Variants in ZNF451 observed in about 807,000 individuals in gnomAD.
ZNF451 encodes the protein E3 SUMO-protein ligase ZNF451.
ZNF451 carries 80 observed loss-of-function variants against 107.1 expected under a neutral mutation model. The ratio of observed to expected loss-of-function variants is 0.75; its 90% confidence interval spans 0.62 to 0.90. The LOEUF (loss-of-function observed/expected upper bound fraction) is 0.90, where lower values mean the gene tolerates loss of function less well. Among genes scored for constraint, ZNF451 ranks in the 40% least tolerant of loss-of-function variants. The pLI is 0.00. For missense variants in ZNF451, 1,107 were observed against 1,236.2 expected, an observed-to-expected ratio of 0.90 and a Z score of 1.57; for synonymous variants, 362 against 406.5, an observed-to-expected ratio of 0.89 and a Z score of 1.32.
Position 57,168,449 on chromosome 6 carries a change from A to G in ZNF451, c.3166A>G (p.Arg1056Gly), listed in dbSNP as rs1763997858. ...EDVELEEAIR[R>G]SLEEM ...TGTGGAATTAGAAGAAGCTATTAGAAGAAGTCTTGAGGAAATGTAATTAAA... is the reference window on the plus strand; with the variant it reads ...TGTGGAATTAGAAGAAGCTATTAGAGGAAGTCTTGAGGAAATGTAATTAAA... Residue 1056 changes from arginine (R) to glycine (G), a missense_variant, in exon 15 of 15, where the codon AGA becomes GGA. This residue lies in a region of ZNF451 where 151 missense variants were observed against 173.3 expected (regional missense o/e 0.87). Coordinates refer to ENST00000370706, the MANE Select transcript of ZNF451 (RefSeq NM_001031623.3). The G allele has an allele frequency of 1.2e-6, 2 of 1,608,706 alleles. No individual in the cohort carries two copies. The highest frequency in any genetic ancestry group is 1.7e-6 in the Non-Finnish European group (2 of 1,177,394).
At chr6:57,109,338 G>A (rs1476589149) in intron 3 of ZNF451, 2 of 984,614 alleles carry the variant, frequency 2.0e-6, no homozygotes, top group African/African-American at 1.8e-5. Flanking sequence ...GAGGATATTG[G>A]TTTAATGGAA....
In ZNF451 at chr6:57,090,287, G is replaced by A. The variant is rs1828999353; in HGVS notation, c.21+13G>A. ...CCCGGGGTCGGAGGTGAGTAGTCGA[G>A]TGAGGGTCCTGGCGTTCTCAGAGGC... On this transcript the variant is annotated intron_variant, in intron 1 of 14. Coordinates refer to ENST00000370706, the MANE Select transcript of ZNF451 (RefSeq NM_001031623.3). 2 of 1,610,648 alleles carry A rather than the reference G, an allele frequency of 1.2e-6. No individual in the cohort carries two copies. Among genetic ancestry groups the A allele is most frequent in the Middle Eastern group, 2.2e-4 (1 of 4,600 alleles).
At position 57,148,091 on chromosome 6, in the gene ZNF451, G is replaced by A. The variant is rs778571187; in HGVS notation, c.2006G>A (p.Cys669Tyr). The A allele has an allele frequency of 6.2e-7, 1 of 1,614,048 alleles. No homozygotes were observed. Among genetic ancestry groups the A allele is most frequent in the Non-Finnish European group, 8.5e-7 (1 of 1,179,976 alleles). ...AATGAGATAAAGATTAAATACTTCTGTGGGCTTTGTGATCTTATCTTTAAT... is the reference window on the plus strand; with the variant it reads ...AATGAGATAAAGATTAAATACTTCTATGGGCTTTGTGATCTTATCTTTAAT... ...HDNEIKIKYF[C>Y]GLCDLIFNVE... The change falls in exon 10 of 15, where the codon TGT becomes TAT. Residue 669 changes from cysteine (C) to tyrosine (Y), a missense_variant. Physicochemically the swap from Cys to Tyr is radical, Grantham distance 194. This residue lies in a region of ZNF451 where 608 missense variants were observed against 649.2 expected (regional missense o/e 0.94). Transcript: ENST00000370706.
intron 4 of ZNF451, 27 bp from the exon 5 acceptor site, chr6:57,128,701 TA>T: frequency 6.6e-7 from 1 of 1,513,072 alleles, no homozygotes; most frequent in Non-Finnish European, 9.1e-7. Flanking sequence ...GTAGTAATCT[TA>T]ATTGAGTTTT....
At chr6:57,145,255 C>T (rs543358437) in intron 9 of ZNF451, among the ~76,000 whole-genome samples, 15 of 152,214 alleles carry the variant, frequency 9.9e-5, no homozygotes, top group African/African-American at 3.6e-4. Flanking sequence ...AGTGCAAAAG[C>T]AACTAGGGGC....
rs139993025 is a variant in ZNF451 at position 57,135,781 on chromosome 6, T to A, written c.702+911T>A. On this transcript the variant is annotated intron_variant, in intron 7 of 14. Coordinates refer to ENST00000370706, the MANE Select transcript of ZNF451 (RefSeq NM_001031623.3). ...TTAAAAACTATGCCATATTAAATAT[T>A]CTGTTAACTAAAAACCTTTGAGAAT... 6.9e-4 allele frequency among the ~76,000 whole-genome samples: 105 copies of A among 152,304 alleles called. 1 individual carries two copies. Among genetic ancestry groups the A allele is most frequent in the African/African-American group, 2.4e-3 (100 of 41,584 alleles).
At position 57,108,552 on chromosome 6, in the gene ZNF451, AC is replaced by A. The variant is rs1829975401; in HGVS notation, c.186+9412del. The stretch of plus-strand genomic sequence containing the variant: ...TTACATATTTAATTTACATCTAACT[AC>A]TGTTAGGTATGCAGCCCGTTCCTTT... On this transcript the variant is annotated intron_variant, in intron 3 of 14. Transcript: ENST00000370706. 29 of 985,286 alleles carry A rather than the reference AC, an allele frequency of 2.9e-5. No homozygotes were observed. In the South Asian group the frequency reaches 1.3e-3, roughly 43 times the overall value. 61.0% of individuals were successfully genotyped at this position (985,286 alleles called of 1,614,324 possible). A position where few individuals can be genotyped will look rare whatever the true frequency, so the allele number is the denominator to read the frequency against.
At position 57,107,912 on chromosome 6, in the gene ZNF451, C is replaced by T; in HGVS notation, c.186+8771C>T. The T allele has an allele frequency of 7.1e-6, 5 of 708,314 alleles. 1 individual carries two copies. In the South Asian group the frequency reaches 1.9e-4, roughly 27 times the overall value. The allele number at this position is 708,314 out of a possible 1,614,324, so 43.9% of individuals were successfully genotyped here. ...GGAGTACAGTGGTGAGATCACGGCT[C>T]ACTGCAAGCTCTGCCTCCCGGGTTC... On this transcript the variant is annotated intron_variant, in intron 3 of 14. Transcript: ENST00000370706.
chr6:57,145,523 G>A (rs887203931), intron 9 of ZNF451, among the ~76,000 whole-genome samples: 3 of 152,016 alleles, frequency 2.0e-5, no homozygotes, highest in African/African-American at 7.2e-5. Context: ...TGTACCCATT[G>A]TTTAACTCCC....
At position 57,145,641 on chromosome 6, in the gene ZNF451, T is replaced by A. The variant is rs115014408; in HGVS notation, c.1005-1449T>A. On this transcript the variant is annotated intron_variant, in intron 9 of 14. Transcript: ENST00000370706. ...TCAAAAGGCATGATTTCATTCTTTT[T>A]TATGACTCAGTAGTATTCCATGGTA... is the stretch of plus-strand genomic sequence containing the variant. 8.7e-3 allele frequency among the ~76,000 whole-genome samples: 1,323 copies of A among 152,332 alleles called. 17 individuals carry two copies. Among genetic ancestry groups the A allele is most frequent in the African/African-American group, 0.031 (1,278 of 41,574 alleles).
chr6:57,110,848 C>T (rs927475941), intron 3 of ZNF451, among the ~76,000 whole-genome samples: 1 of 151,816 alleles, frequency 6.6e-6, no homozygotes, highest in Non-Finnish European at 1.5e-5. Flanking sequence ...CACATTTTGT[C>T]AACTTCGTAT....
intron 3 of ZNF451, chr6:57,101,360 C>A: frequency 6.4e-7 from 1 of 1,550,628 alleles, no homozygotes. Context: ...TTTAAAGACC[C>A]TGCTGATTGC....
Position 57,133,253 on chromosome 6 carries a change from T to C in ZNF451, c.575+61T>C. On this transcript the variant is annotated intron_variant, in intron 6 of 14. Transcript: ENST00000370706. ...TCTAGTGAGCTACCAAGTGATTTCA[T>C]AAAATGAAAGCGTAATGCTCCTTTG... is the stretch of plus-strand genomic sequence containing the variant. The C allele has an allele frequency of 2.0e-6, 3 of 1,512,080 alleles. No homozygotes were observed. In the East Asian group the frequency reaches 6.8e-5, roughly 35 times the overall value. The allele number at this position is 1,512,080 out of a possible 1,614,324, so 93.7% of individuals were successfully genotyped here.
chr6:57,161,122 TC>T lies in ZNF451; in HGVS notation c.3110del (p.Ser1037Ter), dbSNP rs753372672. The T allele has an allele frequency of 3.2e-6, 5 of 1,552,748 alleles. No individual in the cohort carries two copies. The highest frequency in any genetic ancestry group is 4.3e-6 in the Non-Finnish European group (5 of 1,154,352). On this transcript the variant is annotated frameshift_variant, in exon 14 of 15. Coordinates refer to ENST00000370706, the MANE Select transcript of ZNF451 (RefSeq NM_001031623.3). LOFTEE classifies it high-confidence loss of function. ...TGATAACATGGGTGCCAAAAATACT[TC>T]AATAGGAGAAGAATTTATATCCACA... ...SDDNMGAKNTSIGEEFISTED... is the reference protein window; with the variant it reads ...SDDNMGAKNTXIGEEFISTED...
chr6:57,146,137 G>T (rs1832052771), intron 9 of ZNF451, among the ~76,000 whole-genome samples: 1 of 152,050 alleles, frequency 6.6e-6, no homozygotes, highest in Non-Finnish European at 1.5e-5. Context: ...GGGATTATTT[G>T]TGGATTTTTT....
At chr6:57,143,261 C>T (rs1831870780) in intron 9 of ZNF451, among the ~76,000 whole-genome samples, 1 of 151,912 alleles carries the variant, frequency 6.6e-6, no homozygotes, top group South Asian at 2.1e-4. Context: ...CTTTCTGTGT[C>T]CTGAGAAACC....
At position 57,152,323 on chromosome 6, in the gene ZNF451, A is replaced by T; in HGVS notation, c.2855A>T (p.Asp952Val). The change falls in exon 12 of 15, where the codon GAT becomes GTT. Residue 952 changes from aspartate to valine, a missense_variant. Physicochemically the swap from Asp to Val is radical, Grantham distance 152. Transcript: ENST00000370706. ...CATCCTCGCTGTAGTAAAAGAAAAG[A>T]TGCTGCTGATTTTGCCATATGTATG... ...FLHPRCSKRK[D>V]AADFAICMHA... 3 of 1,614,108 alleles carry T rather than the reference A, an allele frequency of 1.9e-6. No homozygotes were observed. The highest frequency in any genetic ancestry group is 1.7e-6 in the Non-Finnish European group (2 of 1,180,014).
intron 3 of ZNF451, chr6:57,107,700 T>C: frequency 1.0e-6 from 1 of 985,450 alleles, no homozygotes; most frequent in Non-Finnish European, 1.2e-6. Flanking sequence ...TGTGGTACCT[T>C]GTCAAGAATT....
chr6:57,097,031 A>G (rs1296534244), intron 2 of ZNF451, among the ~76,000 whole-genome samples: 1 of 151,964 alleles, frequency 6.6e-6, no homozygotes, highest in Non-Finnish European at 1.5e-5. Flanking sequence ...CTGCCTCCCA[A>G]GGTGCTGGAA....
Sources: gnomAD v4.1 joint callset for allele counts (sites outside exome capture counted in the v4.1 genomes callset) on GRCh38, gnomAD v4.1.1 for gene constraint, gnomAD v4.1.1 regional missense constraint, MANE v1.5 for transcripts, NCBI Gene and HGNC (gene_info 2026-07-23, HGNC 2026-07-21) for gene names.